Variants in GOLGB1 observed in about 807,000 individuals in gnomAD.
GOLGB1 encodes golgin B1, also known as golgin subfamily B member 1.
GOLGB1 carries 174 observed loss-of-function variants against 336.9 expected under a neutral mutation model. The observed-to-expected ratio is 0.52, with a 90% CI of 0.46 to 0.59. The LOEUF is 0.59. Among genes scored for constraint, GOLGB1 ranks in the 20% least tolerant of loss-of-function variants. GOLGB1 has a pLI of 0.00. For missense variants in GOLGB1, 3,331 were observed against 3,645.3 expected (o/e 0.91, Z 2.22); for synonymous variants, 1,208 against 1,289.2 (o/e 0.94, Z 1.35).
At chr3:121,693,162 T>C (rs562226811) in intron 13 of GOLGB1, among the ~76,000 whole-genome samples, 10 of 152,014 alleles carry the variant, frequency 6.6e-5, no homozygotes, top group Non-Finnish European at 1.0e-4. Flanking sequence ...GTGGTAAAAA[T>C]CCAGGCAAGA....
rs767680212 is a variant in GOLGB1 at position 121,696,791 on chromosome 3, T to C, written c.3732A>G (p.Gln1244=). 1.2e-6 allele frequency: 2 copies of C among 1,614,140 alleles called. No individual in the cohort carries two copies. Among genetic ancestry groups the C allele is most frequent in the South Asian group, 2.2e-5 (2 of 91,084 alleles). ...IGDQLRQLQI[Q]VRESIDGKLP... is the part of the protein sequence containing the mutation. ...GTTTTCCGTCTATGGATTCCCTTACTTGAATCTGGAGTTGCCTTAGCTGGT... is the reference window on the plus strand; with the variant it reads ...GTTTTCCGTCTATGGATTCCCTTACCTGAATCTGGAGTTGCCTTAGCTGGT... Residue 1244 remains glutamine (Q), a synonymous_variant, in exon 13 of 22, where the codon CAA becomes CAG. Transcript: ENST00000614479.
intron 5 of GOLGB1, among the ~76,000 whole-genome samples, chr3:121,722,960 CT>C (rs1200506612): frequency 1.3e-5 from 2 of 152,172 alleles, no homozygotes; most frequent in Non-Finnish European, 2.9e-5. Flanking sequence ...TCTAGGCCCC[CT>C]GAACTCTCAC....
intron 1 of GOLGB1, among the ~76,000 whole-genome samples, chr3:121,744,038 C>T (rs1024829371): frequency 3.3e-5 from 5 of 152,112 alleles, no homozygotes; most frequent in African/African-American, 1.2e-4. Context: ...CTGATTGACC[C>T]TCCCTAGAAA....
At chr3:121,699,282 T>C (rs1300473044) in intron 12 of GOLGB1, among the ~76,000 whole-genome samples, 3 of 152,142 alleles carry the variant, frequency 2.0e-5, no homozygotes, top group Non-Finnish European at 4.4e-5. Flanking sequence ...GGAAGCCACA[T>C]TACTCCTCAA....
intron 1 of GOLGB1, among the ~76,000 whole-genome samples, chr3:121,731,622 T>C (rs1946127008): frequency 6.6e-6 from 1 of 152,170 alleles, no homozygotes. Flanking sequence ...ATGTGCCCCA[T>C]GAACCCCATT....
At position 121,695,914 on chromosome 3, in the gene GOLGB1, TA is replaced by T; in HGVS notation, c.4608del (p.Asn1536LysfsTer8). ...CTTCCTAAGACCGTATCTTTTTCTT[TA>T]TTTTGAGCAGAAACTTGGCTTTCCA... ...ADVESQVSAQNKEKDTVLGRL... is the reference protein window; with the variant it reads ...ADVESQVSAQXKEKDTVLGRL... On this transcript the variant is annotated frameshift_variant, in exon 13 of 22. Coordinates refer to ENST00000614479, the MANE Select transcript of GOLGB1 (RefSeq NM_001366282.2). LOFTEE classifies it high-confidence loss of function. 6.2e-7 allele frequency: 1 copy of T among 1,613,524 alleles called. No individual in the cohort carries two copies. Among genetic ancestry groups the T allele is most frequent in the Non-Finnish European group, 8.5e-7 (1 of 1,179,872 alleles).
chr3:121,694,062 C>T lies in GOLGB1; in HGVS notation c.6461G>A (p.Arg2154His), dbSNP rs563428325. Residue 2154 changes from arginine to histidine, a missense_variant, in exon 13 of 22, where the codon CGC becomes CAC. Transcript: ENST00000614479. ...KNMQEKLDALRREKVHLEETI... is the reference protein window; with the variant it reads ...KNMQEKLDALHREKVHLEETI... ...CTCTTCCAAGTGGACTTTTTCTCTG[C>T]GCAAAGCATCCAGTTTCTCTTGCAT... is the stretch of plus-strand genomic sequence containing the variant. 52 of 1,613,902 alleles carry T rather than the reference C, an allele frequency of 3.2e-5. No homozygotes were observed. Among genetic ancestry groups the T allele is most frequent in the African/African-American group, 5.3e-5 (4 of 75,040 alleles).
Position 121,663,592 on chromosome 3 carries a change from G to C in GOLGB1, c.*888C>G, listed in dbSNP as rs1291858932. The C allele has an allele frequency of 6.6e-6, 1 of 152,226 alleles. No individual in the cohort carries two copies. Among genetic ancestry groups the C allele is most frequent in the Admixed American group, 6.5e-5 (1 of 15,284 alleles). The allele number at this position is 152,226 out of a possible 1,614,324, so 9.4% of individuals were successfully genotyped here. On this transcript the variant is annotated 3_prime_UTR_variant, in exon 22 of 22. Transcript: ENST00000614479. ...GTACTTCAAGAGGTCAGGAGTTGCAGTGTGGTGTTAGACCAGTCAGACTCC... is the reference window on the plus strand; with the variant it reads ...GTACTTCAAGAGGTCAGGAGTTGCACTGTGGTGTTAGACCAGTCAGACTCC...
intron 20 of GOLGB1, among the ~76,000 whole-genome samples, chr3:121,666,682 G>A (rs1409661318): frequency 1.3e-5 from 2 of 152,190 alleles, no homozygotes; most frequent in African/African-American, 4.8e-5. Context: ...ATTAATATCA[G>A]AAATGTCATT....
intron 21 of GOLGB1, 54 bp downstream of exon 21, chr3:121,664,872 T>C (rs968662225): frequency 9.2e-7 from 1 of 1,092,230 alleles, no homozygotes; most frequent in Non-Finnish European, 1.4e-6. Flanking sequence ...GCCCCCAGTA[T>C]AGCCAGCCCT....
rs758340639 is a variant in GOLGB1, at chr3:121,696,764, G to A, written c.3759C>T (p.Leu1253=). The change falls in exon 13 of 22, where the codon CTC becomes CTT. Residue 1253 remains leucine, a synonymous_variant. Transcript: ENST00000614479. ...IQVRESIDGK[L]PSTDQQESCS... is the part of the protein sequence containing the mutation. ...ACGATTCCTGCTGGTCTGTGCTTGG[G>A]AGTTTTCCGTCTATGGATTCCCTTA... 36 of 1,613,984 alleles carry A rather than the reference G, an allele frequency of 2.2e-5. No individual in the cohort carries two copies. The highest frequency in any genetic ancestry group is 8.0e-5 in the African/African-American group (6 of 74,916).
intron 10 of GOLGB1, among the ~76,000 whole-genome samples, chr3:121,704,819 C>A (rs1449416140): frequency 2.7e-5 from 4 of 146,550 alleles, no homozygotes; most frequent in Non-Finnish European, 6.0e-5. Context: ...AATTGTCAAT[C>A]GAGAATTATA....
Position 121,717,062 on chromosome 3 carries a change from C to T in GOLGB1, c.963G>A (p.Glu321=). The T allele has an allele frequency of 1.9e-6, 3 of 1,612,754 alleles. No homozygotes were observed. Among genetic ancestry groups the T allele is most frequent in the Non-Finnish European group, 2.5e-6 (3 of 1,178,694 alleles). The change falls in exon 9 of 22, where the codon GAG becomes GAA. Residue 321 remains glutamate, a synonymous_variant. Transcript: ENST00000614479. ...CCATCTTTTCCAGTAGAATCTTGGA[C>T]TCCTCTCTTTCTGTTTCCACAGTGT... ...LRNTVETERE[E]SKILLEKMEL...
intron 1 of GOLGB1, among the ~76,000 whole-genome samples, chr3:121,740,420 C>T (rs991509996): frequency 6.6e-6 from 1 of 152,124 alleles, no homozygotes; most frequent in Non-Finnish European, 1.5e-5. Context: ...CTAAATGCAA[C>T]ATGATATCCT....
chr3:121,664,259 G>A lies in GOLGB1; in HGVS notation c.*221C>T. ...CCAAATGTGATTCTCAGATTAAGCAGAAGCGTTCAGGCTCAGGGCAGTAGA... is the reference window on the plus strand; with the variant it reads ...CCAAATGTGATTCTCAGATTAAGCAAAAGCGTTCAGGCTCAGGGCAGTAGA... On this transcript the variant is annotated 3_prime_UTR_variant, in exon 22 of 22. Coordinates refer to ENST00000614479, the MANE Select transcript of GOLGB1 (RefSeq NM_001366282.2). The A allele has an allele frequency of 1.8e-6, 1 of 560,434 alleles. No individual in the cohort carries two copies. The highest frequency in any genetic ancestry group is 3.0e-5 in the Admixed American group (1 of 33,120). The allele number at this position is 560,434 out of a possible 1,614,324, so 34.7% of individuals were successfully genotyped here. A position where few individuals can be genotyped will look rare whatever the true frequency, so the allele number is the denominator to read the frequency against.
chr3:121,717,200 G>A (rs1269120581), intron 8 of GOLGB1, 61 bp from the exon 9 acceptor site: 1 of 1,342,244 alleles, frequency 7.5e-7, no homozygotes, highest in East Asian at 2.3e-5. Context: ...AACAAGCATT[G>A]TAAAGTGCTT....
At chr3:121,734,316 G>A (rs530054284) in intron 1 of GOLGB1, among the ~76,000 whole-genome samples, 1 of 145,020 alleles carries the variant, frequency 6.9e-6, no homozygotes, top group Non-Finnish European at 1.5e-5. Flanking sequence ...GTTGAACCTG[G>A]AAGGCATGGA....
chr3:121,745,233 G>C (rs1947165250), intron 1 of GOLGB1, among the ~76,000 whole-genome samples: 1 of 150,688 alleles, frequency 6.6e-6, no homozygotes, highest in Non-Finnish European at 1.5e-5. Flanking sequence ...TTAATAAAGG[G>C]GAAAATATTC....
chr3:121,725,514 T>TA (rs1366094304), intron 5 of GOLGB1, among the ~76,000 whole-genome samples: 3 of 152,136 alleles, frequency 2.0e-5, no homozygotes, highest in African/African-American at 7.2e-5. Context: ...TGGAGGAAGA[T>TA]AATGTGTTTT....
Sources: gnomAD v4.1 joint callset for allele counts (sites outside exome capture counted in the v4.1 genomes callset) on GRCh38, gnomAD v4.1.1 for gene constraint, MANE v1.5 for transcripts, NCBI Gene and HGNC (gene_info 2026-07-23, HGNC 2026-07-21) for gene names.